Variants in SMYD3 observed in about 807,000 individuals in gnomAD.
SMYD3 encodes SET and MYND domain containing 3.
In SMYD3, 36 loss-of-function variants were observed where a neutral mutation model predicts 57.7. That is an observed-to-expected ratio of 0.62 (90% CI 0.48 to 0.82). The LOEUF is 0.82. SMYD3 is among the 40% of genes least tolerant of loss of function. The pLI, the probability that SMYD3 is intolerant of heterozygous loss-of-function variation, is 0.00. For synonymous variants in SMYD3, 211 were observed against 195.0 expected (o/e 1.08, Z -0.68); for missense variants, 515 against 538.8 (o/e 0.96, Z 0.44).
At chr1:246,250,549 G>A (rs937326612) in intron 5 of SMYD3, among the ~76,000 whole-genome samples, 1 of 152,118 alleles carries the variant, frequency 6.6e-6, no homozygotes, top group African/African-American at 2.4e-5. Flanking sequence ...GATAATATCA[G>A]AAATAATCAA....
At chr1:246,361,164 A>G (rs1439377304) in intron 1 of SMYD3, among the ~76,000 whole-genome samples, 2 of 152,238 alleles carry the variant, frequency 1.3e-5, no homozygotes, top group African/African-American at 4.8e-5. Context: ...TCAAAAGAAG[A>G]TATACAAATG....
At position 245,839,230 on chromosome 1, in the gene SMYD3, T is replaced by C. The variant is rs536440689; in HGVS notation, c.1076+19266A>G. Among the ~76,000 whole-genome samples the C allele has an allele frequency of 6.6e-5, 10 of 152,286 alleles. No individual in the cohort carries two copies. The South Asian group carries it at 1.9e-3, about 28-fold the overall frequency. ...TTTCGCCCAGGCCGGACTGCAGTGG[T>C]GCTATCTCAGCTCACTGCAAGCTCC... On this transcript the variant is annotated intron_variant, in intron 10 of 11. Coordinates refer to ENST00000490107, the MANE Select transcript of SMYD3 (RefSeq NM_001167740.2).
chr1:245,898,004 G>C (rs965210487), intron 8 of SMYD3, among the ~76,000 whole-genome samples: 1 of 152,128 alleles, frequency 6.6e-6, no homozygotes, highest in Non-Finnish European at 1.5e-5. Flanking sequence ...AGTGCCTCAG[G>C]CCTCAGTGCA....
chr1:246,444,419 C>T (rs1285705422), intron 1 of SMYD3, among the ~76,000 whole-genome samples: 1 of 152,162 alleles, frequency 6.6e-6, no homozygotes, highest in Non-Finnish European at 1.5e-5. Context: ...CCATCGCGCC[C>T]AGCCCCAGAA....
rs927806955 is a variant in SMYD3, at chr1:246,256,518, C to T, written c.531+70683G>A. On this transcript the variant is annotated intron_variant, in intron 5 of 11. Coordinates refer to ENST00000490107, the MANE Select transcript of SMYD3 (RefSeq NM_001167740.2). ...AGGATCTTTTGTGTTTCTGTGGGAT[C>T]GGTTGTAATGTCACTTTTGTCACTT... Among the ~76,000 whole-genome samples the T allele has an allele frequency of 8.5e-5, 13 of 152,142 alleles. 1 individual carries two copies. The highest frequency in any genetic ancestry group is 1.2e-4 in the African/African-American group (5 of 41,532).
At chr1:246,301,091 C>T (rs2064885871) in intron 5 of SMYD3, among the ~76,000 whole-genome samples, 1 of 152,046 alleles carries the variant, frequency 6.6e-6, no homozygotes, top group Admixed American at 6.6e-5. Flanking sequence ...TAAAATACTA[C>T]CAGTACCAAA....
intron 10 of SMYD3, among the ~76,000 whole-genome samples, chr1:245,844,264 G>A (rs2050547983): frequency 6.6e-6 from 1 of 152,088 alleles, no homozygotes; most frequent in South Asian, 2.1e-4. Context: ...TTCTCATGAT[G>A]GTCATCCTCA....
At chr1:245,867,664 G>GCACACACACACA in intron 8 of SMYD3, among the ~76,000 whole-genome samples, 1 of 122,102 alleles carries the variant, frequency 8.2e-6, no homozygotes, top group Non-Finnish European at 1.7e-5. Flanking sequence ...GTGTGCGTGC[G>GCACACACACACA]CGCGCACACA....
At chr1:245,979,750 C>G (rs1450919666) in intron 5 of SMYD3, among the ~76,000 whole-genome samples, 4 of 152,176 alleles carry the variant, frequency 2.6e-5, no homozygotes, top group Non-Finnish European at 4.4e-5. Context: ...AATACAGCAT[C>G]CCAATTCAGA....
intron 5 of SMYD3, among the ~76,000 whole-genome samples, chr1:246,125,835 G>A (rs1310098459): frequency 6.6e-6 from 1 of 152,052 alleles, no homozygotes; most frequent in African/African-American, 2.4e-5. Context: ...AGCCAATCAA[G>A]CAATCAGTCC....
rs535904469 is a variant in SMYD3 at position 245,902,560 on chromosome 1, A to G, written c.813+12970T>C. 4.6e-5 allele frequency among the ~76,000 whole-genome samples: 7 copies of G among 152,282 alleles called. No individual in the cohort carries two copies. The East Asian group carries it at 1.4e-3, about 29-fold the overall frequency. On this transcript the variant is annotated intron_variant, in intron 8 of 11. Coordinates refer to ENST00000490107, the MANE Select transcript of SMYD3 (RefSeq NM_001167740.2). The stretch of plus-strand genomic sequence containing the variant: ...CATTACAAGGCCTGCAGACAGTCTC[A>G]TGTCATTTAGACACCTAAGGACCAG...
At chr1:245,855,527 T>C (rs938952476) in intron 10 of SMYD3, among the ~76,000 whole-genome samples, 1 of 152,246 alleles carries the variant, frequency 6.6e-6, no homozygotes, top group African/African-American at 2.4e-5. Context: ...ATTATCTTCA[T>C]TCTACTTCCT....
intron 10 of SMYD3, among the ~76,000 whole-genome samples, chr1:245,788,420 G>A (rs778570993): frequency 1.3e-5 from 2 of 152,164 alleles, no homozygotes; most frequent in Non-Finnish European, 2.9e-5. Flanking sequence ...CACATGACTC[G>A]GGAGGCCAGA....
chr1:245,831,125 A>G (rs572539899), intron 10 of SMYD3, among the ~76,000 whole-genome samples: 6 of 152,294 alleles, frequency 3.9e-5, no homozygotes, highest in Non-Finnish European at 2.9e-5. Context: ...TGAATGACAG[A>G]TTCCCCAATA....
intron 1 of SMYD3, among the ~76,000 whole-genome samples, chr1:246,451,427 G>T (rs2067630904): frequency 6.6e-6 from 1 of 152,184 alleles, no homozygotes. Flanking sequence ...ATGACATTTA[G>T]GAAAAGGCAA....
chr1:245,783,096 G>A (rs1457676060), intron 10 of SMYD3, among the ~76,000 whole-genome samples: 1 of 152,192 alleles, frequency 6.6e-6, no homozygotes, highest in Non-Finnish European at 1.5e-5. Flanking sequence ...TTTAACTTCT[G>A]GGAAAATGCA....
chr1:245,908,051 C>A (rs1387998193), intron 8 of SMYD3, among the ~76,000 whole-genome samples: 1 of 151,946 alleles, frequency 6.6e-6, no homozygotes, highest in South Asian at 2.1e-4. Flanking sequence ...CCGGAGAATC[C>A]CTTGACCCAG....
intron 5 of SMYD3, among the ~76,000 whole-genome samples, chr1:246,219,061 T>A (rs2878078): frequency 0.18 from 26,936 of 152,102 alleles, 2,773 homozygotes; most frequent in East Asian, 0.34. Context: ...CTAAAACTCC[T>A]GATTTTCCCC....
chr1:246,034,095 T>C (rs2059727634), intron 5 of SMYD3, among the ~76,000 whole-genome samples: 1 of 152,188 alleles, frequency 6.6e-6, no homozygotes, highest in South Asian at 2.1e-4. Context: ...CACAGACAGT[T>C]CTTGGCAATA....
Sources: allele counts gnomAD v4.1 joint callset (sites outside exome capture counted in the v4.1 genomes callset), GRCh38; gene constraint gnomAD v4.1.1; transcripts MANE v1.5; gene names NCBI Gene and HGNC (gene_info 2026-07-23, HGNC 2026-07-21).